The following BTRC variants were observed in gnomAD, a reference collection of about 807,000 sequenced individuals.
The protein encoded by BTRC is beta-transducin repeat containing E3 ubiquitin protein ligase, also known as F-box/WD repeat-containing protein 1A.
BTRC carries 42 observed loss-of-function variants against 85.5 expected under a neutral mutation model. The ratio of observed to expected loss-of-function variants is 0.49; its 90% CI spans 0.38 to 0.64. The LOEUF (loss-of-function observed/expected upper bound fraction) is 0.64, where lower values mean the gene tolerates loss of function less well. BTRC is among the 30% of genes least tolerant of loss of function. The pLI is 0.00. For synonymous variants in BTRC, 255 were observed against 263.3 expected, an observed-to-expected ratio of 0.97 and a Z score of 0.30; for missense variants, 594 against 743.5, an observed-to-expected ratio of 0.80 and a Z score of 2.34.
intron 1 of BTRC, among the ~76,000 whole-genome samples, chr10:101,380,042 A>T (rs532650471): frequency 2.0e-5 from 3 of 152,276 alleles, no homozygotes; most frequent in Non-Finnish European, 4.4e-5. Context: ...ACAATACGAG[A>T]ATTCTACCTG....
intron 4 of BTRC, among the ~76,000 whole-genome samples, chr10:101,494,575 C>G (rs1034331144): frequency 2.0e-5 from 3 of 152,120 alleles, no homozygotes; most frequent in Admixed American, 1.3e-4. Context: ...GGTGACTCTG[C>G]ATTTTCTTCT....
chr10:101,378,168 G>T (rs1942839198), intron 1 of BTRC, among the ~76,000 whole-genome samples: 1 of 151,976 alleles, frequency 6.6e-6, no homozygotes, highest in Admixed American at 6.6e-5. Context: ...TATTAATTTG[G>T]CCCCATCTAT....
intron 13 of BTRC, among the ~76,000 whole-genome samples, chr10:101,541,084 T>A (rs1330271879): frequency 6.7e-6 from 1 of 148,946 alleles, no homozygotes; most frequent in Non-Finnish European, 1.5e-5. Flanking sequence ...ATCTTTTATT[T>A]CTCTCTCCCT....
At chr10:101,462,894 G>A (rs1945266200) in intron 3 of BTRC, among the ~76,000 whole-genome samples, 1 of 151,728 alleles carries the variant, frequency 6.6e-6, no homozygotes, top group South Asian at 2.1e-4. Context: ...TTGAGACAAA[G>A]CCTCACTCTG....
chr10:101,397,064 A>T (rs1466326445), intron 1 of BTRC, among the ~76,000 whole-genome samples: 3 of 152,166 alleles, frequency 2.0e-5, no homozygotes, highest in Admixed American at 6.6e-5. Flanking sequence ...TCGGCCTCCC[A>T]AAGTGCTGAG....
At chr10:101,370,215 G>A (rs1324111165) in intron 1 of BTRC, among the ~76,000 whole-genome samples, 2 of 152,046 alleles carry the variant, frequency 1.3e-5, no homozygotes, top group Non-Finnish European at 2.9e-5. Flanking sequence ...TCAACCTCCT[G>A]GGCTCAGGTG....
upstream of BTRC, chr10:101,354,080 G>A: frequency 7.2e-7 from 1 of 1,379,782 alleles, no homozygotes; most frequent in Non-Finnish European, 1.0e-6. Context: ...AGAGAGGGCG[G>A]GGGGAAGGAA....
intron 1 of BTRC, among the ~76,000 whole-genome samples, chr10:101,384,147 T>C (rs1467146929): frequency 2.0e-5 from 3 of 152,270 alleles, no homozygotes; most frequent in Non-Finnish European, 1.5e-5. Flanking sequence ...ATCTCTGTTA[T>C]ACTTTAGCAA....
chr10:101,441,311 G>T (rs1163124730), intron 2 of BTRC, among the ~76,000 whole-genome samples: 1 of 152,162 alleles, frequency 6.6e-6, no homozygotes, highest in East Asian at 1.9e-4. Flanking sequence ...CAGCTTATGG[G>T]CTTTTTACAA....
intron 4 of BTRC, among the ~76,000 whole-genome samples, chr10:101,498,956 G>A (rs966550328): frequency 6.6e-6 from 1 of 151,768 alleles, no homozygotes; most frequent in African/African-American, 2.4e-5. Flanking sequence ...TCATGCCATT[G>A]CACTCCAGCC....
chr10:101,500,133 T>A (rs1946366349), intron 4 of BTRC, among the ~76,000 whole-genome samples: 1 of 151,708 alleles, frequency 6.6e-6, no homozygotes, highest in South Asian at 2.1e-4. Flanking sequence ...TATGAAAATG[T>A]GTCATTAGGC....
At chr10:101,406,647 C>T (rs1052755745) in intron 1 of BTRC, among the ~76,000 whole-genome samples, 3 of 147,780 alleles carry the variant, frequency 2.0e-5, no homozygotes, top group African/African-American at 7.5e-5. Flanking sequence ...GATTCTCCTG[C>T]CTCAGCCTCC....
Position 101,553,305 on chromosome 10 carries a change from A to G in BTRC, c.*182A>G, listed in dbSNP as rs2062680793. 1 of 152,660 alleles carries G rather than the reference A, an allele frequency of 6.6e-6. No homozygotes were observed. Among genetic ancestry groups the G allele is most frequent in the African/African-American group, 2.4e-5 (1 of 41,448 alleles). The allele number at this position is 152,660 out of a possible 1,614,324, so 9.5% of individuals were successfully genotyped here. A position where few individuals can be genotyped will look rare whatever the true frequency, so the allele number is the denominator to read the frequency against. On this transcript the variant is annotated 3_prime_UTR_variant, in exon 15 of 15. Transcript: ENST00000370187. The stretch of plus-strand genomic sequence containing the variant: ...GACACAGTTGGTCTGCAGTCGGCCC[A>G]GGACGGTCTACTCAGCACAACTGAC...
At chr10:101,512,303 C>T (rs2061967383) in intron 4 of BTRC, among the ~76,000 whole-genome samples, 1 of 152,202 alleles carries the variant, frequency 6.6e-6, no homozygotes, top group Non-Finnish European at 1.5e-5. Flanking sequence ...GTTCTCAATG[C>T]CAGAGCCTTT....
intron 4 of BTRC, among the ~76,000 whole-genome samples, chr10:101,509,695 G>A (rs1946648113): frequency 1.3e-5 from 2 of 149,640 alleles, no homozygotes; most frequent in Admixed American, 1.3e-4. Context: ...TGAGACTACA[G>A]GCATGCACCA....
In BTRC at chr10:101,531,448, A is replaced by C. The variant is rs950558068; in HGVS notation, c.840+115A>C. Reference sequence around the variant, plus strand: ...GGTTTATTGACATGAGTTGGGAATCAATCTCTTAGCTGGCCATGGTGGCTC... The same window carrying C: ...GGTTTATTGACATGAGTTGGGAATCCATCTCTTAGCTGGCCATGGTGGCTC... On this transcript the variant is annotated intron_variant, in intron 7 of 14. Transcript: ENST00000370187. 1.4e-5 allele frequency: 11 copies of C among 785,828 alleles called. No individual in the cohort carries two copies. The African/African-American group carries it at 2.0e-4, about 14-fold the overall frequency. The allele number at this position is 785,828 out of a possible 1,614,324, so 48.7% of individuals were successfully genotyped here. A position where few individuals can be genotyped will look rare whatever the true frequency, so the allele number is the denominator to read the frequency against.
intron 4 of BTRC, among the ~76,000 whole-genome samples, chr10:101,509,117 A>G (rs1230748160): frequency 6.6e-6 from 1 of 151,938 alleles, no homozygotes; most frequent in African/African-American, 2.4e-5. Context: ...CTAGCTCTTT[A>G]GAAATCTAGG....
intron 14 of BTRC, among the ~76,000 whole-genome samples, chr10:101,552,354 T>G (rs1161037037): frequency 2.3e-5 from 3 of 130,134 alleles, no homozygotes; most frequent in African/African-American, 7.9e-5. Flanking sequence ...GCTAATTGTT[T>G]GTATTTTTTT....
At chr10:101,356,940 C>G (rs960275739) in intron 1 of BTRC, among the ~76,000 whole-genome samples, 4 of 151,836 alleles carry the variant, frequency 2.6e-5, no homozygotes, top group African/African-American at 9.7e-5. Context: ...ACCATCCTGG[C>G]TAACATGGTG....
Sources: gnomAD v4.1 joint callset for allele counts (sites outside exome capture counted in the v4.1 genomes callset) on GRCh38, gnomAD v4.1.1 for gene constraint, MANE v1.5 for transcripts, NCBI Gene and HGNC (gene_info 2026-07-23, HGNC 2026-07-21) for gene names.